IRAG1: variants seen among roughly 807,000 people sequenced by gnomAD.
IRAG1 encodes IP3R-associated cGMP kinase substrate.
IRAG1 carries 62 observed loss-of-function variants against 106.2 expected under a neutral mutation model. The observed-to-expected ratio is 0.58, with a 90% CI of 0.48 to 0.72. The LOEUF (loss-of-function observed/expected upper bound fraction) is 0.72, where lower values mean the gene tolerates loss of function less well. Among genes scored for constraint, IRAG1 ranks in the 30% least tolerant of loss-of-function variants. IRAG1 has a pLI of 0.00. For missense variants in IRAG1, 1,064 were observed against 1,140.7 expected, an observed-to-expected ratio of 0.93 and a Z score of 0.97; for synonymous variants, 462 against 443.9, an observed-to-expected ratio of 1.04 and a Z score of -0.51.
At position 10,679,674 on chromosome 11, in the gene IRAG1, C is replaced by A. The variant is rs540856817; in HGVS notation, c.67+13862G>T. On this transcript the variant is annotated intron_variant, in intron 1 of 20. Transcript: ENST00000423302. ...AGCAGCAAGGACTCTCTAGATGCCA[C>A]GTGATCCATCCTGTGTCCACCCAAG... Among the ~76,000 whole-genome samples the A allele has an allele frequency of 3.3e-5, 5 of 152,320 alleles. 1 individual carries two copies. Among genetic ancestry groups the A allele is most frequent in the African/African-American group, 1.2e-4 (5 of 41,560 alleles).
At chr11:10,617,494 A>C (rs1201994884) in intron 10 of IRAG1, among the ~76,000 whole-genome samples, 2 of 152,220 alleles carry the variant, frequency 1.3e-5, no homozygotes, top group African/African-American at 2.4e-5. Context: ...TGGTTTCTGA[A>C]AGTACAAAGA....
chr11:10,645,441 A>G (rs1008738492), intron 2 of IRAG1, among the ~76,000 whole-genome samples: 3 of 152,218 alleles, frequency 2.0e-5, no homozygotes, highest in African/African-American at 7.2e-5. Context: ...CATAGTCATC[A>G]CTACCATGTA....
intron 10 of IRAG1, among the ~76,000 whole-genome samples, chr11:10,617,779 CTCA>C (rs1209862540): frequency 6.6e-6 from 1 of 152,200 alleles, no homozygotes; most frequent in Non-Finnish European, 1.5e-5. Flanking sequence ...ACTCCATCTC[CTCA>C]TCAAGTCCTG....
chr11:10,680,340 G>GAAAGAAA (rs1564942325), intron 1 of IRAG1, among the ~76,000 whole-genome samples: 26 of 68,756 alleles, frequency 3.8e-4, no homozygotes, highest in African/African-American at 1.5e-3. Context: ...AAGGAAGGAA[G>GAAAGAAA]GAAGGAAAGA....
At chr11:10,588,707 A>C (rs982155247) in intron 18 of IRAG1, among the ~76,000 whole-genome samples, 5 of 151,796 alleles carry the variant, frequency 3.3e-5, no homozygotes, top group Non-Finnish European at 7.4e-5. Flanking sequence ...CCCCAACCTT[A>C]CACCAAAATC....
chr11:10,615,852 C>T (rs1174220866), intron 10 of IRAG1, among the ~76,000 whole-genome samples: 3 of 150,906 alleles, frequency 2.0e-5, no homozygotes, highest in Non-Finnish European at 4.4e-5. Flanking sequence ...TTAATGGGTG[C>T]AGCACACCAA....
intron 1 of IRAG1, among the ~76,000 whole-genome samples, chr11:10,666,002 C>T (rs1319658873): frequency 2.0e-5 from 3 of 152,072 alleles, no homozygotes; most frequent in African/African-American, 7.2e-5. Context: ...AATGGCTCTC[C>T]CAACAGCAAG....
rs1452507492 is a variant in IRAG1 at position 10,576,449 on chromosome 11, G to A, written c.2622C>T (p.Ser874=). The part of the protein sequence containing the change: ...VLTVVLGLYN[S]YNSCAEQADG... ...CAGCCTGCTCTGCACAAGAGTTATA[G>A]GAATTGTAGAGCCCCAGCACAACAG... is the stretch of plus-strand genomic sequence containing the variant. Residue 874 remains serine (S), a synonymous_variant, in exon 21 of 21, where the codon TCC becomes TCT. Transcript: ENST00000423302. The A allele has an allele frequency of 1.9e-6, 3 of 1,613,842 alleles. No individual in the cohort carries two copies. The African/African-American group carries it at 4.0e-5, about 22-fold the overall frequency.
In IRAG1 at chr11:10,580,444, AG is replaced by A; in HGVS notation, c.2495+10del. 6.2e-7 allele frequency: 1 copy of A among 1,605,012 alleles called. No individual in the cohort carries two copies. Among genetic ancestry groups the A allele is most frequent in the Non-Finnish European group, 8.5e-7 (1 of 1,177,336 alleles). On this transcript the variant is annotated intron_variant, in intron 20 of 20. Transcript: ENST00000423302. ...CAGCAACGGCAAGGACTCCAAACACAGGCTTCCCACCTGCTTCTTGGGCCCT... is the reference window on the plus strand; with the variant it reads ...CAGCAACGGCAAGGACTCCAAACACAGCTTCCCACCTGCTTCTTGGGCCCT...
rs1405951658 is a variant in IRAG1 at position 10,575,664 on chromosome 11, G to A, written c.*668C>T. The A allele has an allele frequency of 6.5e-6, 1 of 154,804 alleles. No homozygotes were observed. Among genetic ancestry groups the A allele is most frequent in the Non-Finnish European group, 1.4e-5 (1 of 69,720 alleles). 9.6% of individuals were successfully genotyped at this position (154,804 alleles called of 1,614,324 possible). A position where few individuals can be genotyped will look rare whatever the true frequency, so the allele number is the denominator to read the frequency against. On this transcript the variant is annotated 3_prime_UTR_variant, in exon 21 of 21. Transcript: ENST00000423302. ...GCATGTTGTGTGTGTGTACACAACA[G>A]TATGTGTGTATGTGTGGACAGATGC...
Position 10,603,336 on chromosome 11 carries a change from G to C in IRAG1, c.1744-85C>G, listed in dbSNP as rs947081529. 5 of 1,501,184 alleles carry C rather than the reference G, an allele frequency of 3.3e-6. No individual in the cohort carries two copies. In the African/African-American group the frequency reaches 4.1e-5, roughly 12 times the overall value. The allele number at this position is 1,501,184 out of a possible 1,614,324, so 93.0% of individuals were successfully genotyped here. On this transcript the variant is annotated intron_variant, in intron 13 of 20. Coordinates refer to ENST00000423302, the MANE Select transcript of IRAG1 (RefSeq NM_130385.4). ...AGTCCCCAACCTTTTCGGCCTCAGG[G>C]ACTGGTTTGGAAGACAATTTTTCCA...
rs2134596891 is a variant in IRAG1 at position 10,628,638 on chromosome 11, C to G, written c.652+113G>C. On this transcript the variant is annotated intron_variant, in intron 6 of 20. Transcript: ENST00000423302. This position sits in a 1 kb window ranked among gnomAD's most constrained non-coding sequence, Gnocchi z 4.1. ...CTTGCTCTGGGTGTGAAGGGGCCATCAGAGTTCTTGAAGGGGAAGCCTGCA... is the reference window on the plus strand; with the variant it reads ...CTTGCTCTGGGTGTGAAGGGGCCATGAGAGTTCTTGAAGGGGAAGCCTGCA... 2.2e-6 allele frequency: 2 copies of G among 902,546 alleles called. No homozygotes were observed. The highest frequency in any genetic ancestry group is 3.2e-6 in the Non-Finnish European group (2 of 619,396). The allele number at this position is 902,546 out of a possible 1,614,324, so 55.9% of individuals were successfully genotyped here.
rs1446174840 is a variant in IRAG1, at chr11:10,591,585, G to C, written c.2203C>G (p.Leu735Val). ...GCAGGCAGTGCTGAAGTGACAGGTA[G>C]GCTGCCTTTCCCATTGGGTGATTCC... ...LSESPNGKGS[L>V]PVTSALPALL... The change falls in exon 18 of 21, where the codon CTA becomes GTA. Residue 735 changes from leucine to valine, a missense_variant. Coordinates refer to ENST00000423302, the MANE Select transcript of IRAG1 (RefSeq NM_130385.4). 2 of 1,598,026 alleles carry C rather than the reference G, an allele frequency of 1.3e-6. No homozygotes were observed. Among genetic ancestry groups the C allele is most frequent in the Non-Finnish European group, 1.7e-6 (2 of 1,172,344 alleles).
intron 2 of IRAG1, among the ~76,000 whole-genome samples, chr11:10,644,350 T>C (rs1857773052): frequency 6.6e-6 from 1 of 152,246 alleles, no homozygotes. Flanking sequence ...ACCATTATCT[T>C]GTATACCAGA....
intron 1 of IRAG1, chr11:10,658,546 C>T (rs1487580222): frequency 1.3e-5 from 2 of 156,678 alleles, no homozygotes; most frequent in Non-Finnish European, 2.8e-5. Context: ...CTCTGGTGTT[C>T]ATCCTAGTGG....
At chr11:10,636,084 C>T (rs185887177) in intron 2 of IRAG1, among the ~76,000 whole-genome samples, 9 of 152,240 alleles carry the variant, frequency 5.9e-5, no homozygotes, top group East Asian at 3.9e-4. Flanking sequence ...AGCTATGTGT[C>T]GTGGACAAGT....
chr11:10,621,492 C>A (rs1460957992), intron 10 of IRAG1, among the ~76,000 whole-genome samples: 1 of 152,216 alleles, frequency 6.6e-6, no homozygotes. Flanking sequence ...AGGATCCAAG[C>A]CCTTCTATCC....
Position 10,608,447 on chromosome 11 carries a change from TA to T in IRAG1, c.1571+1280del, listed in dbSNP as rs904636066. ...ACACCCAGTTAGAACATACCCACCT[TA>T]AAAAAAAAGTGGGGGTCTGGGGGGA... On this transcript the variant is annotated intron_variant, in intron 11 of 20. Coordinates refer to ENST00000423302, the MANE Select transcript of IRAG1 (RefSeq NM_130385.4). 4.1e-4 allele frequency among the ~76,000 whole-genome samples: 62 copies of T among 150,306 alleles called. 1 individual carries two copies. The highest frequency in any genetic ancestry group is 3.3e-4 in the Admixed American group (5 of 15,118).
rs199928205 is a variant in IRAG1 at position 10,603,217 on chromosome 11, C to T, written c.1778G>A (p.Arg593Gln). ...SASLWHHCEH[R>Q]ETYQKLLEDI... ...CTCCAGCAACTTCTGGTAGGTTTCC[C>T]GGTGCTCACAGTGGTGCCAGAGTGA... Residue 593 changes from arginine (R) to glutamine (Q), a missense_variant, in exon 14 of 21, where the codon CGG (arginine) becomes CAG (glutamine). Physicochemically the swap from Arg to Gln is conservative, Grantham distance 43. Transcript: ENST00000423302. 1.8e-4 allele frequency: 283 copies of T among 1,613,442 alleles called. No individual in the cohort carries two copies. The highest frequency in any genetic ancestry group is 2.2e-4 in the Non-Finnish European group (257 of 1,179,816).
Sources: gnomAD v4.1 joint callset for allele counts (sites outside exome capture counted in the v4.1 genomes callset) on GRCh38, gnomAD v4.1.1 for gene constraint, Gnocchi (gnomAD v3.1) non-coding constraint, MANE v1.5 for transcripts, NCBI Gene and HGNC (gene_info 2026-07-23, HGNC 2026-07-21) for gene names.